The following PHF14 variants were observed in gnomAD, a reference collection of about 807,000 sequenced individuals.
PHF14 encodes the protein PHD finger protein 14.
Under a neutral mutation model 117.9 loss-of-function variants are expected in PHF14, and 55 were observed. That is an observed-to-expected ratio of 0.47 (90% CI 0.38 to 0.58). The LOEUF (loss-of-function observed/expected upper bound fraction) is 0.58. Ranked by LOEUF, PHF14 falls within the 20% of genes least tolerant of loss-of-function variation. The probability of loss-of-function intolerance (pLI) is 0.00; values close to 1 mark genes in which losing one functional copy is unlikely to be tolerated. For missense variants in PHF14, 978 were observed against 1,122.2 expected (o/e 0.87, Z 1.84); for synonymous variants, 409 against 368.6 (o/e 1.11, Z -1.26).
At chr7:11,047,861 G>A (rs1583409848) in intron 13 of PHF14, among the ~76,000 whole-genome samples, 1 of 122,386 alleles carries the variant, frequency 8.2e-6, no homozygotes, top group Non-Finnish European at 1.7e-5. Flanking sequence ...GAGGGAGGGC[G>A]GGAAAAAGAG....
chr7:11,074,686 C>T lies in PHF14; in HGVS notation c.2654+12601C>T, dbSNP rs147275382. Among the ~76,000 whole-genome samples, 523 of 152,286 alleles carry T rather than the reference C, an allele frequency of 3.4e-3. 2 individuals carry two copies. The highest frequency in any genetic ancestry group is 7.0e-3 in the South Asian group (34 of 4,824). The stretch of plus-strand genomic sequence containing the variant: ...TCCCAAGAACATGCACAAAATATAG[C>T]CAAGTTCTTTGCTAGGGCATAATAT... On this transcript the variant is annotated intron_variant, in intron 16 of 17. Coordinates refer to ENST00000634607, the MANE Select transcript of PHF14 (RefSeq NM_001007157.2).
intron 16 of PHF14, among the ~76,000 whole-genome samples, chr7:11,099,920 G>T (rs1562466081): frequency 6.6e-6 from 1 of 152,056 alleles, no homozygotes; most frequent in Non-Finnish European, 1.5e-5. Flanking sequence ...GGATAGAGCT[G>T]TGAGCCCCTT....
At chr7:10,979,864 TA>T (rs1281987138) in intron 2 of PHF14, among the ~76,000 whole-genome samples, 2 of 152,180 alleles carry the variant, frequency 1.3e-5, no homozygotes, top group South Asian at 2.1e-4. Context: ...GGAGTCTGAC[TA>T]ATGTACTATA....
At chr7:11,022,683 A>G (rs1190231427) in intron 5 of PHF14, among the ~76,000 whole-genome samples, 185 bp from the exon 6 acceptor site, 1 of 152,074 alleles carries the variant, frequency 6.6e-6, no homozygotes, top group African/African-American at 2.4e-5. Flanking sequence ...CCTTTTTTGT[A>G]ACTAAGTGTT....
chr7:11,064,395 A>C (rs567289074), intron 16 of PHF14, among the ~76,000 whole-genome samples: 62 of 152,034 alleles, frequency 4.1e-4, no homozygotes, highest in African/African-American at 1.4e-3. Flanking sequence ...AGATATTTTA[A>C]ATAAGGATTT....
In PHF14 at chr7:11,044,011, A is replaced by C. The variant is rs894407759; in HGVS notation, c.2312+1197A>C. 4.6e-5 allele frequency among the ~76,000 whole-genome samples: 7 copies of C among 152,010 alleles called. 1 individual carries two copies. Among genetic ancestry groups the C allele is most frequent in the African/African-American group, 1.7e-4 (7 of 41,564 alleles). ...AGCTAAAAAAAAACACACACAAAAA[A>C]AGGGAAATCATGTTCTTTGTAGCAA... On this transcript the variant is annotated intron_variant, in intron 13 of 17. Transcript: ENST00000634607.
intron 13 of PHF14, among the ~76,000 whole-genome samples, chr7:11,048,436 G>C (rs1175401741): frequency 2.0e-5 from 3 of 152,110 alleles, no homozygotes; most frequent in Non-Finnish European, 2.9e-5. Context: ...GCCAGGCATG[G>C]TGGCAGGCAC....
At chr7:11,070,525 T>G (rs1785581011) in intron 16 of PHF14, among the ~76,000 whole-genome samples, 1 of 152,250 alleles carries the variant, frequency 6.6e-6, no homozygotes. Context: ...CTGCTTTCTG[T>G]AATGTATTTG....
At chr7:10,999,861 C>A (rs1336619436) in intron 4 of PHF14, among the ~76,000 whole-genome samples, 2 of 152,188 alleles carry the variant, frequency 1.3e-5, no homozygotes, top group African/African-American at 4.8e-5. Context: ...AACAACTCTT[C>A]TTGTGTAATT....
chr7:11,126,506 A>C (rs1787933086), intron 17 of PHF14, among the ~76,000 whole-genome samples: 1 of 152,098 alleles, frequency 6.6e-6, no homozygotes, highest in African/African-American at 2.4e-5. Context: ...TAGTATTCTC[A>C]AATCTACTAC....
At chr7:11,030,845 T>TA (rs1784097544) in intron 7 of PHF14, among the ~76,000 whole-genome samples, 1 of 152,206 alleles carries the variant, frequency 6.6e-6, no homozygotes, top group African/African-American at 2.4e-5. Context: ...ATATATATGT[T>TA]ACTGGTTTCT....
chr7:11,143,873 T>C (rs141321670), intron 17 of PHF14, among the ~76,000 whole-genome samples: 2 of 151,752 alleles, frequency 1.3e-5, no homozygotes, highest in Non-Finnish European at 2.9e-5. Context: ...AATTGACAAA[T>C]GGAACTATAT....
chr7:10,985,554 C>G lies in PHF14; in HGVS notation c.900+2395C>G, dbSNP rs1269621576. 9.4e-5 allele frequency among the ~76,000 whole-genome samples: 14 copies of G among 149,458 alleles called. No individual in the cohort carries two copies. In the East Asian group the frequency reaches 2.6e-3, roughly 28 times the overall value. ...TAGCAGGGCCCTTTTATAATTACTGCTCTTAATGGCCTTAACATATGCTTA... is the reference window on the plus strand; with the variant it reads ...TAGCAGGGCCCTTTTATAATTACTGGTCTTAATGGCCTTAACATATGCTTA... On this transcript the variant is annotated intron_variant, in intron 3 of 17. Coordinates refer to ENST00000634607, the MANE Select transcript of PHF14 (RefSeq NM_001007157.2).
intron 17 of PHF14, among the ~76,000 whole-genome samples, chr7:11,122,025 G>A (rs1010189974): frequency 2.0e-5 from 3 of 151,094 alleles, no homozygotes; most frequent in Admixed American, 6.6e-5. Flanking sequence ...CCTACCCCCC[G>A]ACAGGCCTCT....
chr7:11,041,335 G>A (rs1021610563), intron 12 of PHF14, among the ~76,000 whole-genome samples: 1 of 151,836 alleles, frequency 6.6e-6, no homozygotes, highest in Admixed American at 6.6e-5. Context: ...TTATAGTCAA[G>A]ACTTCTTTCC....
rs1789304708 is a variant in PHF14 at position 11,169,565 on chromosome 7, A to G, written c.*75A>G. 1.6e-6 allele frequency: 1 copy of G among 607,166 alleles called. No individual in the cohort carries two copies. Among genetic ancestry groups the G allele is most frequent in the Non-Finnish European group, 2.7e-6 (1 of 364,096 alleles). 37.6% of individuals were successfully genotyped at this position (607,166 alleles called of 1,614,324 possible). A position where few individuals can be genotyped will look rare whatever the true frequency, so the allele number is the denominator to read the frequency against. The stretch of plus-strand genomic sequence containing the variant: ...ATAAAATTTCTAATTGTAAAATGTT[A>G]AATTGTAAAATCTAATTTGCAAAAT... On this transcript the variant is annotated 3_prime_UTR_variant, in exon 18 of 18. Coordinates refer to ENST00000634607, the MANE Select transcript of PHF14 (RefSeq NM_001007157.2).
At chr7:11,086,411 C>A in intron 16 of PHF14, among the ~76,000 whole-genome samples, 1 of 152,186 alleles carries the variant, frequency 6.6e-6, no homozygotes, top group East Asian at 1.9e-4. Context: ...TGCCATCTTG[C>A]TTTTATTATA....
chr7:11,160,794 T>C (rs1789001149), intron 17 of PHF14, among the ~76,000 whole-genome samples: 1 of 152,208 alleles, frequency 6.6e-6, no homozygotes, highest in Admixed American at 6.5e-5. Context: ...ATTAAGTTTC[T>C]TGTAGATTCT....
At chr7:10,996,787 C>G (rs1449555574) in intron 4 of PHF14, among the ~76,000 whole-genome samples, 2 of 152,172 alleles carry the variant, frequency 1.3e-5, no homozygotes, top group African/African-American at 2.4e-5. Flanking sequence ...TATCAACCTT[C>G]TTTGCTAATG....
Sources: allele counts gnomAD v4.1 joint callset (sites outside exome capture counted in the v4.1 genomes callset), GRCh38; gene constraint gnomAD v4.1.1; transcripts MANE v1.5; gene names NCBI Gene and HGNC (gene_info 2026-07-23, HGNC 2026-07-21).